SRPK2: variants seen among roughly 807,000 people sequenced by gnomAD.
SRPK2 encodes SFRS protein kinase 2.
In SRPK2, 21 loss-of-function variants were observed where a neutral mutation model predicts 90.8. That is an observed-to-expected ratio of 0.23 (90% CI 0.16 to 0.33). The LOEUF (loss-of-function observed/expected upper bound fraction) is 0.33, where lower values mean the gene tolerates loss of function less well. Among genes scored for constraint, SRPK2 ranks in the 10% least tolerant of loss-of-function variants. The probability of loss-of-function intolerance (pLI) is 1.00; values close to 1 mark genes in which losing one functional copy is unlikely to be tolerated. For missense variants in SRPK2, 620 were observed against 869.0 expected, an observed-to-expected ratio of 0.71 and a Z score of 3.60; for synonymous variants, 288 against 311.1, an observed-to-expected ratio of 0.93 and a Z score of 0.78.
chr7:105,355,125 T>C (rs1172013382), intron 2 of SRPK2, among the ~76,000 whole-genome samples: 1 of 152,202 alleles, frequency 6.6e-6, no homozygotes, highest in African/African-American at 2.4e-5. Flanking sequence ...TATGCTACAT[T>C]TTGTTTATTC....
chr7:105,275,768 G>A (rs534637935), intron 2 of SRPK2, among the ~76,000 whole-genome samples: 1 of 152,126 alleles, frequency 6.6e-6, no homozygotes, highest in Non-Finnish European at 1.5e-5. Flanking sequence ...GGAGAAAAAC[G>A]GAGCCGCCCT....
At chr7:105,229,006 T>C (rs1202843634) in intron 2 of SRPK2, among the ~76,000 whole-genome samples, 1 of 152,096 alleles carries the variant, frequency 6.6e-6, no homozygotes, top group African/African-American at 2.4e-5. Context: ...CACTGTGAAA[T>C]TGAAGCTGGA....
At chr7:105,221,701 T>C (rs888216096) in intron 2 of SRPK2, among the ~76,000 whole-genome samples, 1 of 152,158 alleles carries the variant, frequency 6.6e-6, no homozygotes, top group Non-Finnish European at 1.5e-5. Context: ...TTGCCATCTA[T>C]CTGTGGCGCC....
At chr7:105,290,278 G>C (rs1808794113) in intron 2 of SRPK2, among the ~76,000 whole-genome samples, 2 of 146,774 alleles carry the variant, frequency 1.4e-5, no homozygotes, top group South Asian at 4.2e-4. Flanking sequence ...AAAAAAAACA[G>C]CCTGGACAAC....
rs192699361 is a variant in SRPK2 at position 105,293,272 on chromosome 7, C to T, written c.72-89487G>A. Among the ~76,000 whole-genome samples, 1,104 of 150,462 alleles carry T rather than the reference C, an allele frequency of 7.3e-3. 6 individuals are homozygous for T. The highest frequency in any genetic ancestry group is 0.012 in the Non-Finnish European group (840 of 67,676). On this transcript the variant is annotated intron_variant, in intron 2 of 15. Transcript: ENST00000393651. ...CACCACTGCATGAGTGAAACTCCAT[C>T]TCAAAAAAAGAAAAAAAAAAAGTAT...
intron 2 of SRPK2, among the ~76,000 whole-genome samples, chr7:105,280,463 TTTA>T (rs1807120660): frequency 6.6e-6 from 1 of 151,882 alleles, no homozygotes; most frequent in African/African-American, 2.4e-5. Flanking sequence ...TATTATTTAT[TTTA>T]TTATTATTTG....
At chr7:105,326,161 A>G (rs1410090017) in intron 2 of SRPK2, among the ~76,000 whole-genome samples, 1 of 152,160 alleles carries the variant, frequency 6.6e-6, no homozygotes, top group East Asian at 1.9e-4. Context: ...TACATTCAAA[A>G]TAAGTCCTTA....
chr7:105,147,574 C>T (rs1230624793), intron 7 of SRPK2, among the ~76,000 whole-genome samples: 5 of 152,158 alleles, frequency 3.3e-5, no homozygotes, highest in African/African-American at 4.8e-5. Flanking sequence ...GTCTCGACCT[C>T]CCAAAGTACT....
At chr7:105,328,800 G>C (rs1392047686) in intron 2 of SRPK2, among the ~76,000 whole-genome samples, 4 of 150,778 alleles carry the variant, frequency 2.7e-5, no homozygotes, top group Admixed American at 1.3e-4. Flanking sequence ...GGGAGGCAGA[G>C]CTTGCAGTGA....
At chr7:105,179,438 G>A (rs1792439482) in intron 3 of SRPK2, among the ~76,000 whole-genome samples, 1 of 152,176 alleles carries the variant, frequency 6.6e-6, no homozygotes, top group Non-Finnish European at 1.5e-5. Flanking sequence ...ATTTAAAACT[G>A]TAAAACTAAC....
intron 4 of SRPK2, 101 bp from the exon 5 acceptor site, chr7:105,168,196 C>G (rs749321295): frequency 5.5e-6 from 5 of 904,460 alleles, no homozygotes; most frequent in Non-Finnish European, 6.7e-6. Flanking sequence ...ATGTAAAATC[C>G]AAAATGCGCC....
chr7:105,375,851 T>C (rs1047643052), intron 2 of SRPK2, among the ~76,000 whole-genome samples: 16 of 152,186 alleles, frequency 1.1e-4, no homozygotes, highest in African/African-American at 3.4e-4. Context: ...CATAGGTATT[T>C]TAAAACATGC....
At chr7:105,324,826 G>C (rs1456977153) in intron 2 of SRPK2, among the ~76,000 whole-genome samples, 1 of 152,144 alleles carries the variant, frequency 6.6e-6, no homozygotes, top group Non-Finnish European at 1.5e-5. Context: ...GGCGGAGGTT[G>C]CAGTGAGTCA....
chr7:105,186,230 G>A (rs1208231790), intron 3 of SRPK2, among the ~76,000 whole-genome samples: 2 of 152,134 alleles, frequency 1.3e-5, no homozygotes, highest in African/African-American at 4.8e-5. Context: ...GAGTACATGT[G>A]CAGGTTTGTT....
chr7:105,287,493 T>G (rs1463483655), intron 2 of SRPK2, among the ~76,000 whole-genome samples: 1 of 152,010 alleles, frequency 6.6e-6, no homozygotes, highest in African/African-American at 2.4e-5. Flanking sequence ...TCCCCACACT[T>G]TGGGAGGCTG....
intron 11 of SRPK2, among the ~76,000 whole-genome samples, chr7:105,135,281 G>A (rs1374943667): frequency 6.6e-6 from 1 of 152,164 alleles, no homozygotes; most frequent in Admixed American, 6.5e-5. Flanking sequence ...AATCGGAAGG[G>A]ACCACCCCTT....
chr7:105,360,748 T>C (rs1818333675), intron 2 of SRPK2, among the ~76,000 whole-genome samples: 1 of 152,192 alleles, frequency 6.6e-6, no homozygotes, highest in South Asian at 2.1e-4. Context: ...GTTAGTCTGA[T>C]GGGCTTCCCT....
At chr7:105,221,227 C>T (rs533154829) in intron 2 of SRPK2, among the ~76,000 whole-genome samples, 3 of 152,246 alleles carry the variant, frequency 2.0e-5, no homozygotes, top group African/African-American at 4.8e-5. Flanking sequence ...CCATTATACG[C>T]TTGTCTTTAC....
At chr7:105,170,027 G>A (rs1790604992) in intron 3 of SRPK2, among the ~76,000 whole-genome samples, 1 of 152,016 alleles carries the variant, frequency 6.6e-6, no homozygotes. Flanking sequence ...CATTACCCAG[G>A]TTGGTCTTGA....
Sources: allele counts gnomAD v4.1 joint callset (sites outside exome capture counted in the v4.1 genomes callset), GRCh38; gene constraint gnomAD v4.1.1; transcripts MANE v1.5; gene names NCBI Gene and HGNC (gene_info 2026-07-23, HGNC 2026-07-21).